Variants in HCN1 observed in about 807,000 individuals in gnomAD.
The protein encoded by HCN1 is potassium/sodium hyperpolarization-activated cyclic nucleotide-gated channel 1.
Under a neutral mutation model 78.9 loss-of-function variants are expected in HCN1, and 13 were observed. That is an observed-to-expected ratio of 0.16 (90% CI 0.11 to 0.26). HCN1 has a LOEUF of 0.26. HCN1 is among the 10% of genes least tolerant of loss of function. The pLI, the probability that HCN1 is intolerant of heterozygous loss-of-function variation, is 1.00. For synonymous variants in HCN1, 552 were observed against 455.5 expected, an observed-to-expected ratio of 1.21 and a Z score of -2.70; for missense variants, 810 against 1,154.3, an observed-to-expected ratio of 0.70 and a Z score of 4.32.
At chr5:45,373,033 TTAAA>T (rs1229241628) in intron 4 of HCN1, among the ~76,000 whole-genome samples, 1 of 135,656 alleles carries the variant, frequency 7.4e-6, no homozygotes, top group African/African-American at 2.7e-5. Flanking sequence ...TTTACATATA[TTAAA>T]TATATAAAAT....
At chr5:45,274,456 G>A (rs1389166371) in intron 6 of HCN1, among the ~76,000 whole-genome samples, 1 of 152,102 alleles carries the variant, frequency 6.6e-6, no homozygotes, top group Non-Finnish European at 1.5e-5. Flanking sequence ...CATTGACAAA[G>A]CTGTTATGTG....
Position 45,356,755 on chromosome 5 carries a change from C to T in HCN1, c.1231-3509G>A, listed in dbSNP as rs373279098. On this transcript the variant is annotated intron_variant, in intron 4 of 7. Coordinates refer to ENST00000303230, the MANE Select transcript of HCN1 (RefSeq NM_021072.4). ...TTACCAGGTGAAAGTAAAAAAACTC[C>T]CTCGTTCACTTTCATTTGATGACTT... Among the ~76,000 whole-genome samples, 10 of 152,006 alleles carry T rather than the reference C, an allele frequency of 6.6e-5. No individual in the cohort carries two copies. The East Asian group carries it at 1.7e-3, about 27-fold the overall frequency.
Position 45,257,295 on chromosome 5 carries a change from CTG to C in HCN1, c.*4624_*4625del, listed in dbSNP as rs1457817098. The C allele has an allele frequency of 8.5e-5, 13 of 152,188 alleles. No homozygotes were observed. Among genetic ancestry groups the C allele is most frequent in the African/African-American group, 3.1e-4 (13 of 41,450 alleles). 9.4% of individuals were successfully genotyped at this position (152,188 alleles called of 1,614,324 possible). ...CACTTGATCTGGGTTCCTCTTCACC[CTG>C]TGAGACACTCCAGCTGCATTGAACT... On this transcript the variant is annotated 3_prime_UTR_variant, in exon 8 of 8. Coordinates refer to ENST00000303230, the MANE Select transcript of HCN1 (RefSeq NM_021072.4).
chr5:45,441,736 G>T (rs1383636440), intron 3 of HCN1, among the ~76,000 whole-genome samples: 1 of 152,112 alleles, frequency 6.6e-6, no homozygotes, highest in Non-Finnish European at 1.5e-5. Flanking sequence ...CAGGTTCCCC[G>T]AGTCTGGTAA....
chr5:45,572,400 C>T (rs959449694), intron 2 of HCN1, among the ~76,000 whole-genome samples: 2 of 152,092 alleles, frequency 1.3e-5, no homozygotes, highest in African/African-American at 4.8e-5. Context: ...CAGGAATGCT[C>T]AAAGTACTTT....
intron 1 of HCN1, among the ~76,000 whole-genome samples, chr5:45,661,036 T>C (rs1426242896): frequency 4.2e-5 from 5 of 119,556 alleles, no homozygotes; most frequent in Non-Finnish European, 8.6e-5. Context: ...TATTCCAAAA[T>C]TGACCACATA....
Position 45,256,027 on chromosome 5 carries a change from A to C in HCN1, c.*5894T>G, listed in dbSNP as rs1744604574. 6.6e-6 allele frequency: 1 copy of C among 152,264 alleles called. No individual in the cohort carries two copies. Among genetic ancestry groups the C allele is most frequent in the Non-Finnish European group, 1.5e-5 (1 of 68,026 alleles). The allele number at this position is 152,264 out of a possible 1,614,324, so 9.4% of individuals were successfully genotyped here. The stretch of plus-strand genomic sequence containing the variant: ...TTATTCAGATTTCTTCAATTGAATG[A>C]ATCAATAGTATTCTCTGCTCATATG... On this transcript the variant is annotated 3_prime_UTR_variant, in exon 8 of 8. Transcript: ENST00000303230.
At chr5:45,499,066 C>A (rs1025243366) in intron 2 of HCN1, among the ~76,000 whole-genome samples, 2 of 152,190 alleles carry the variant, frequency 1.3e-5, no homozygotes, top group African/African-American at 4.8e-5. Context: ...AGAGGTGGAG[C>A]CTACAGAGGC....
intron 1 of HCN1, among the ~76,000 whole-genome samples, chr5:45,672,636 C>A (rs938055153): frequency 8.7e-5 from 13 of 148,738 alleles, no homozygotes; most frequent in Non-Finnish European, 1.3e-4. Context: ...TTGAAACAGA[C>A]GGTTGCCATA....
At chr5:45,319,385 TC>T (rs1369137676) in intron 5 of HCN1, among the ~76,000 whole-genome samples, 1 of 151,950 alleles carries the variant, frequency 6.6e-6, no homozygotes, top group Non-Finnish European at 1.5e-5. Flanking sequence ...GGTGGGTAAG[TC>T]GACATATCTG....
chr5:45,287,848 A>G (rs1353489669), intron 6 of HCN1, among the ~76,000 whole-genome samples: 1 of 152,040 alleles, frequency 6.6e-6, no homozygotes, highest in Non-Finnish European at 1.5e-5. Context: ...ATGCCCCAGT[A>G]CTGTCTTTTA....
chr5:45,376,251 A>AGAATATATATTCTATATAATATATG lies in HCN1; in HGVS notation c.1230+20240_1230+20241insCATATATTATATAGAATATATATTC, dbSNP rs1747662565. 2.3e-3 allele frequency among the ~76,000 whole-genome samples: 95 copies of AGAATATATATTCTATATAATATATG among 40,852 alleles called. 4 individuals carry two copies. Among genetic ancestry groups the AGAATATATATTCTATATAATATATG allele is most frequent in the Middle Eastern group, 0.023 (1 of 44 alleles). The allele number at this position is 40,852 out of a possible 152,430, so 26.8% of individuals were successfully genotyped here. On this transcript the variant is annotated intron_variant, in intron 4 of 7. Transcript: ENST00000303230. ...AATATATATTCTATATATTCTATAT[A>AGAATATATATTCTATATAATATATG]GAATATAGAATATATATTCTATATA...
intron 2 of HCN1, among the ~76,000 whole-genome samples, chr5:45,603,866 T>G (rs1667464251): frequency 6.6e-6 from 1 of 152,128 alleles, no homozygotes; most frequent in African/African-American, 2.4e-5. Context: ...AGAAACAGAA[T>G]GGCTCCTGGT....
At chr5:45,324,982 T>A (rs1746206879) in intron 5 of HCN1, among the ~76,000 whole-genome samples, 1 of 151,740 alleles carries the variant, frequency 6.6e-6, no homozygotes, top group Non-Finnish European at 1.5e-5. Flanking sequence ...AGAAATGAAG[T>A]GTTTAACACA....
chr5:45,283,571 C>A (rs71578815), intron 6 of HCN1, among the ~76,000 whole-genome samples: 1 of 151,998 alleles, frequency 6.6e-6, no homozygotes, highest in Non-Finnish European at 1.5e-5. Context: ...TAGAGAAATA[C>A]AAATCAAAAC....
At chr5:45,344,352 C>T (rs1746652665) in intron 5 of HCN1, among the ~76,000 whole-genome samples, 1 of 152,036 alleles carries the variant, frequency 6.6e-6, no homozygotes, top group African/African-American at 2.4e-5. Context: ...TCCACCCCTG[C>T]CCCCTACCAA....
At chr5:45,433,068 C>T (rs1740495663) in intron 3 of HCN1, among the ~76,000 whole-genome samples, 1 of 152,042 alleles carries the variant, frequency 6.6e-6, no homozygotes, top group African/African-American at 2.4e-5. Context: ...CCGCAATTAC[C>T]TCCCACCAGG....
intron 5 of HCN1, among the ~76,000 whole-genome samples, chr5:45,351,206 T>C (rs886781473): frequency 2.6e-5 from 4 of 151,854 alleles, no homozygotes; most frequent in South Asian, 2.1e-4. Context: ...GAACAGAGCC[T>C]TCAGAAATAA....
chr5:45,406,977 A>G (rs1579873869), intron 3 of HCN1, among the ~76,000 whole-genome samples: 1 of 152,158 alleles, frequency 6.6e-6, no homozygotes, highest in East Asian at 1.9e-4. Context: ...CAATCTATAC[A>G]GTTATCTGAT....
Sources: allele counts gnomAD v4.1 joint callset (sites outside exome capture counted in the v4.1 genomes callset), GRCh38; gene constraint gnomAD v4.1.1; transcripts MANE v1.5; gene names NCBI Gene and HGNC (gene_info 2026-07-23, HGNC 2026-07-21).